Variants in ODF2L observed in about 807,000 individuals in gnomAD.
ODF2L encodes outer dense fiber of sperm tails 2 like, also known as protein BCAP.
A neutral mutation model predicts 86.3 loss-of-function variants in ODF2L; 76 were observed. The ratio of observed to expected loss-of-function variants is 0.88; its 90% CI spans 0.73 to 1.07. The LOEUF is 1.07. Among genes scored for constraint, ODF2L ranks in the 50% least tolerant of loss-of-function variants. ODF2L has a pLI of 0.00. For missense variants in ODF2L, 748 were observed against 717.4 expected, an observed-to-expected ratio of 1.04 and a Z score of -0.49; for synonymous variants, 241 against 231.3, an observed-to-expected ratio of 1.04 and a Z score of -0.38.
At chr1:86,354,552 G>A (rs1658392200) in exon 16 of ODF2L, 1 of 1,602,934 alleles carries the variant, frequency 6.2e-7, no homozygotes, top group African/African-American at 1.3e-5. Flanking sequence ...TTCTTCTAAA[G>A]CAGCTTCCAG....
chr1:86,381,046 T>A (rs955481498), intron 7 of ODF2L, among the ~76,000 whole-genome samples: 1 of 151,950 alleles, frequency 6.6e-6, no homozygotes, highest in Admixed American at 6.6e-5. Flanking sequence ...AATCACTTAA[T>A]GCCTTAAATC....
In ODF2L at chr1:86,366,784, C is replaced by T. The variant is rs1484232457; in HGVS notation, c.1143+1852G>A. Among the ~76,000 whole-genome samples the T allele has an allele frequency of 5.9e-5, 9 of 151,708 alleles. No individual in the cohort carries two copies. In the South Asian group the frequency reaches 1.9e-3, roughly 32 times the overall value. Reference sequence around the variant, plus strand: ...GGAGATAAAAACCAAAGAAATCTGCCCCCAAAATTGAACAAAACCCAGAAA... The same window carrying T: ...GGAGATAAAAACCAAAGAAATCTGCTCCCAAAATTGAACAAAACCCAGAAA... On this transcript the variant is annotated intron_variant, in intron 11 of 17. Coordinates refer to ENST00000317336, the Ensembl canonical transcript of ODF2L.
rs564834154 is a variant in ODF2L, at chr1:86,356,217, C to A, written c.1518+227G>T. On this transcript the variant is annotated intron_variant, in intron 14 of 17. Coordinates refer to ENST00000317336, the Ensembl canonical transcript of ODF2L. Reference sequence around the variant, plus strand: ...ATGTCTTCAAATGTCTATAGATTTGCATGAATAAACTAAAATAAGAATTTT... The same window carrying A: ...ATGTCTTCAAATGTCTATAGATTTGAATGAATAAACTAAAATAAGAATTTT... Among the ~76,000 whole-genome samples the A allele has an allele frequency of 3.1e-5, 4 of 130,210 alleles. No homozygotes were observed. In the South Asian group the frequency reaches 9.7e-4, roughly 32 times the overall value. The allele number at this position is 130,210 out of a possible 152,430, so 85.4% of individuals were successfully genotyped here. A position where few individuals can be genotyped will look rare whatever the true frequency, so the allele number is the denominator to read the frequency against.
At chr1:86,364,600 T>G (rs1038082579) in intron 11 of ODF2L, among the ~76,000 whole-genome samples, 9 of 152,128 alleles carry the variant, frequency 5.9e-5, no homozygotes, top group African/African-American at 1.9e-4. Context: ...CCTAAGTAAG[T>G]AAAAGAATCA....
At chr1:86,356,659 T>G in intron 13 of ODF2L, 57 bp from the exon 13 acceptor site, 2 of 1,471,250 alleles carry the variant, frequency 1.4e-6, no homozygotes, top group Non-Finnish European at 1.8e-6. Flanking sequence ...ATTAATATTT[T>G]TATTATCTTA....
chr1:86,384,759 C>A lies in ODF2L; in HGVS notation c.289G>T (p.Glu97Ter). Residue 97 changes from glutamate to a stop codon, truncating the protein, a stop_gained, in exon 4 of 18, where the codon GAA becomes TAA. Coordinates refer to ENST00000317336, the Ensembl canonical transcript of ODF2L. LOFTEE classifies it high-confidence loss of function. ...GTGTCTAATTCTTTTATTAATATTT[C>A]CTTCTGTTCAGAAATCTTCAAATTC... is the stretch of plus-strand genomic sequence containing the variant. 6.6e-7 allele frequency: 1 copy of A among 1,525,036 alleles called. No homozygotes were observed. The highest frequency in any genetic ancestry group is 1.3e-5 in the South Asian group (1 of 76,634). The allele number at this position is 1,525,036 out of a possible 1,614,324, so 94.5% of individuals were successfully genotyped here.
rs541855144 is a variant in ODF2L at position 86,360,713 on chromosome 1, T to C, written c.1144-177A>G. On this transcript the variant is annotated intron_variant, in intron 11 of 17. Coordinates refer to ENST00000317336, the Ensembl canonical transcript of ODF2L. ...TCACAAAGCTAGTGACTAATAATTA[T>C]GAACATCCTTATTAAGATTTACACA... 7.4e-6 allele frequency: 3 copies of C among 406,140 alleles called. No homozygotes were observed. In the East Asian group the frequency reaches 1.2e-4, roughly 16 times the overall value. The allele number at this position is 406,140 out of a possible 1,614,324, so 25.2% of individuals were successfully genotyped here. A position where few individuals can be genotyped will look rare whatever the true frequency, so the allele number is the denominator to read the frequency against.
Position 86,392,587 on chromosome 1 carries a change from T to C in ODF2L, c.-60+3446A>G, listed in dbSNP as rs74936340. Among the ~76,000 whole-genome samples the C allele has an allele frequency of 0.011, 1,695 of 152,318 alleles. 67 individuals are homozygous for C. The East Asian group carries it at 0.12, about 10-fold the overall frequency. On this transcript the variant is annotated intron_variant, in intron 1 of 17. Transcript: ENST00000317336. ...TAAAAAACCAAACATCATATGTTCT[T>C]ACTTATAAGTGGGAGCTAAGCTATG...
At chr1:86,363,712 A>G (rs1262011421) in intron 11 of ODF2L, among the ~76,000 whole-genome samples, 1 of 151,896 alleles carries the variant, frequency 6.6e-6, no homozygotes, top group African/African-American at 2.4e-5. Context: ...TAAAATATTA[A>G]CTCCAGTTAT....
intron 11 of ODF2L, among the ~76,000 whole-genome samples, chr1:86,361,488 A>G (rs1193258872): frequency 6.6e-6 from 1 of 152,244 alleles, no homozygotes; most frequent in African/African-American, 2.4e-5. Flanking sequence ...TACATGGACA[A>G]TATCTTTGAT....
chr1:86,357,093 A>G (rs896795462), intron 13 of ODF2L, among the ~76,000 whole-genome samples: 1 of 152,220 alleles, frequency 6.6e-6, no homozygotes, highest in East Asian at 1.9e-4. Flanking sequence ...AATTGCTAGT[A>G]TCATCAGTTC....
At chr1:86,388,401 T>C (rs949853728) in intron 1 of ODF2L, among the ~76,000 whole-genome samples, 3 of 152,094 alleles carry the variant, frequency 2.0e-5, no homozygotes, top group African/African-American at 7.2e-5. Context: ...CCAACCCTTT[T>C]ACTTGTTTAA....
intron 17 of ODF2L, chr1:86,352,226 T>C: frequency 1.3e-6 from 2 of 1,490,608 alleles, no homozygotes; most frequent in Non-Finnish European, 1.8e-6. Context: ...AAACACAGTA[T>C]CATTATTCTC....
At chr1:86,369,792 C>A (rs777712281) in intron 10 of ODF2L, among the ~76,000 whole-genome samples, 4 of 152,068 alleles carry the variant, frequency 2.6e-5, no homozygotes, top group Non-Finnish European at 4.4e-5. Flanking sequence ...GGATAAAATT[C>A]TCTTTTCAGG....
chr1:86,385,568 C>T, exon 3 of ODF2L: 1 of 1,611,872 alleles, frequency 6.2e-7, no homozygotes, highest in Admixed American at 1.7e-5. Flanking sequence ...TCAGTCTTTT[C>T]ATTTAGAATG....
chr1:86,386,636 C>T, intron 2 of ODF2L: 1 of 318,418 alleles, frequency 3.1e-6, no homozygotes, highest in Non-Finnish European at 5.6e-6. Flanking sequence ...GATCCACCTG[C>T]CTCATCCTCC....
At chr1:86,355,454 T>G in intron 14 of ODF2L, 1 of 799,744 alleles carries the variant, frequency 1.3e-6, no homozygotes, top group South Asian at 1.6e-5. Context: ...ATTAGTAATT[T>G]AGGCTAATCT....
At chr1:86,373,135 A>C (rs1479333714) in intron 8 of ODF2L, among the ~76,000 whole-genome samples, 1 of 152,188 alleles carries the variant, frequency 6.6e-6, no homozygotes, top group Non-Finnish European at 1.5e-5. Flanking sequence ...GTCACTGTAC[A>C]ACTTTGAATA....
intron 10 of ODF2L, among the ~76,000 whole-genome samples, chr1:86,368,922 T>C (rs1659623019): frequency 6.6e-6 from 1 of 152,124 alleles, no homozygotes; most frequent in Admixed American, 6.5e-5. Context: ...TAAATCTGTT[T>C]CCATTTTAAA....
Sources: gnomAD v4.1 joint callset for allele counts (sites outside exome capture counted in the v4.1 genomes callset) on GRCh38, gnomAD v4.1.1 for gene constraint, MANE v1.5 for transcripts, NCBI Gene and HGNC (gene_info 2026-07-23, HGNC 2026-07-21) for gene names.